The following ASB5 variants were observed in gnomAD, a reference collection of about 807,000 sequenced individuals.
ASB5 encodes ankyrin repeat and SOCS box containing 5.
ASB5 carries 45 observed loss-of-function variants against 42.1 expected under a neutral mutation model. The ratio of observed to expected loss-of-function variants is 1.07; its 90% CI spans 0.84 to 1.37. The LOEUF (loss-of-function observed/expected upper bound fraction) is 1.37, where lower values mean the gene tolerates loss of function less well. Ranked by LOEUF, ASB5 falls within the 40% of genes most tolerant of loss-of-function variation. ASB5 has a pLI of 0.00. For missense variants in ASB5, 402 were observed against 399.8 expected (o/e 1.01, Z -0.05); for synonymous variants, 147 against 150.6 (o/e 0.98, Z 0.18).
chr4:176,222,697 C>T (rs549684596), intron 2 of ASB5, among the ~76,000 whole-genome samples: 19 of 152,086 alleles, frequency 1.2e-4, no homozygotes, highest in Non-Finnish European at 2.2e-4. Flanking sequence ...ATGTTGCTTT[C>T]TTAATATTTT....
At chr4:176,266,397 G>A (rs946269535) in intron 1 of ASB5, among the ~76,000 whole-genome samples, 2 of 152,154 alleles carry the variant, frequency 1.3e-5, no homozygotes, top group Non-Finnish European at 2.9e-5. Flanking sequence ...TCTCTCCCAG[G>A]AAGGAGGAAA....
At chr4:176,227,093 T>C (rs181822606) in intron 1 of ASB5, among the ~76,000 whole-genome samples, 3 of 152,372 alleles carry the variant, frequency 2.0e-5, no homozygotes, top group Admixed American at 2.0e-4. Context: ...TGAGTGGTCA[T>C]GGCAGTCAGG....
At chr4:176,260,865 T>C (rs1437227126) in intron 1 of ASB5, among the ~76,000 whole-genome samples, 1 of 151,958 alleles carries the variant, frequency 6.6e-6, no homozygotes, top group African/African-American at 2.4e-5. Context: ...TTAGTAGAGA[T>C]GGGGTTTCAC....
chr4:176,216,400 G>T (rs1490584941), intron 6 of ASB5, among the ~76,000 whole-genome samples: 2 of 151,976 alleles, frequency 1.3e-5, no homozygotes. Context: ...TGCCAGGTTG[G>T]AGTGCAGTGG....
At chr4:176,217,664 C>T (rs946064469) in intron 5 of ASB5, among the ~76,000 whole-genome samples, 4 of 152,088 alleles carry the variant, frequency 2.6e-5, no homozygotes, top group East Asian at 1.9e-4. Context: ...ATACAGCCTA[C>T]ATGCTACATT....
At chr4:176,218,243 GAT>G (rs1296398279) in intron 5 of ASB5, among the ~76,000 whole-genome samples, 9 of 40,580 alleles carry the variant, frequency 2.2e-4, no homozygotes, top group African/African-American at 9.4e-4. Flanking sequence ...ATATTTGTAT[GAT>G]ATATAAATAT....
chr4:176,230,083 T>C (rs2126953788), intron 1 of ASB5, among the ~76,000 whole-genome samples: 1 of 152,286 alleles, frequency 6.6e-6, no homozygotes, highest in South Asian at 2.1e-4. Context: ...AGGTTTTGTT[T>C]CCTCATCAAA....
intron 1 of ASB5, among the ~76,000 whole-genome samples, chr4:176,238,106 C>G (rs769048536): frequency 1.3e-5 from 2 of 151,434 alleles, no homozygotes; most frequent in Non-Finnish European, 2.9e-5. Context: ...GCCTGTAGTC[C>G]CAGCTACTCA....
At chr4:176,267,352 C>T (rs141850766) in intron 1 of ASB5, among the ~76,000 whole-genome samples, 12 of 152,166 alleles carry the variant, frequency 7.9e-5, no homozygotes, top group Admixed American at 3.3e-4. Flanking sequence ...AGGCCTGGCA[C>T]GGAGGCTCAC....
rs1465484394 is a variant in ASB5 at position 176,213,697 on chromosome 4, C to T, written c.*1903G>A. 1 of 151,978 alleles carries T rather than the reference C, an allele frequency of 6.6e-6. No individual in the cohort carries two copies. The highest frequency in any genetic ancestry group is 2.4e-5 in the African/African-American group (1 of 41,398). 9.4% of individuals were successfully genotyped at this position (151,978 alleles called of 1,614,324 possible). A position where few individuals can be genotyped will look rare whatever the true frequency, so the allele number is the denominator to read the frequency against. On this transcript the variant is annotated 3_prime_UTR_variant, in exon 7 of 7. Coordinates refer to ENST00000296525, the MANE Select transcript of ASB5 (RefSeq NM_080874.4). The stretch of plus-strand genomic sequence containing the variant: ...GTTTTATTCCAATGAATAATAATCA[C>T]ACTTTAATATAATAACAAACATACA...
At chr4:176,261,526 A>G (rs1327173289) in intron 1 of ASB5, among the ~76,000 whole-genome samples, 1 of 152,178 alleles carries the variant, frequency 6.6e-6, no homozygotes, top group Admixed American at 6.5e-5. Flanking sequence ...TTTGCTCCAG[A>G]TGAGACAGCC....
At position 176,269,034 on chromosome 4, in the gene ASB5, G is replaced by C; in HGVS notation, c.75C>G (p.Phe25Leu). Residue 25 changes from phenylalanine (F) to leucine (L), a missense_variant, in exon 1 of 7, where the codon TTC (phenylalanine) becomes TTG (leucine). Phe to Leu is a conservative substitution (Grantham distance 22). Transcript: ENST00000296525. ...TGATTTTCACAAAAAGCTTAAAACA[G>C]AACAGCGAAAGTATTGTAAAGTAGA... The part of the protein sequence containing the change: ...SNVYFTILSL[F>L]CFKLFVKISL... The C allele has an allele frequency of 6.2e-7, 1 of 1,613,494 alleles. No individual in the cohort carries two copies. Among genetic ancestry groups the C allele is most frequent in the Non-Finnish European group, 8.5e-7 (1 of 1,179,662 alleles).
intron 1 of ASB5, among the ~76,000 whole-genome samples, chr4:176,248,951 G>A (rs971833928): frequency 6.6e-6 from 1 of 152,038 alleles, no homozygotes; most frequent in Non-Finnish European, 1.5e-5. Context: ...TTGTTATACA[G>A]GTTTACATTT....
Position 176,214,768 on chromosome 4 carries a change from A to G in ASB5, c.*832T>C, listed in dbSNP as rs572556168. 1 of 152,138 alleles carries G rather than the reference A, an allele frequency of 6.6e-6. No homozygotes were observed. Among genetic ancestry groups the G allele is most frequent in the African/African-American group, 2.4e-5 (1 of 41,510 alleles). 9.4% of individuals were successfully genotyped at this position (152,138 alleles called of 1,614,324 possible). ...TGTTTGTTAATTAGATATATAGTTC[A>G]TTTTCTTAAGTCCAAGTATCACTAG... On this transcript the variant is annotated 3_prime_UTR_variant, in exon 7 of 7. Transcript: ENST00000296525.
At chr4:176,239,007 GGTAAGAGA>G (rs2126961458) in intron 1 of ASB5, among the ~76,000 whole-genome samples, 1 of 152,262 alleles carries the variant, frequency 6.6e-6, no homozygotes, top group South Asian at 2.1e-4. Context: ...ACACACAAAA[GGTAAGAGA>G]GTGCGTGAGC....
intron 5 of ASB5, among the ~76,000 whole-genome samples, chr4:176,218,513 AT>A: frequency 8.7e-6 from 1 of 114,488 alleles, no homozygotes; most frequent in Non-Finnish European, 1.7e-5. Flanking sequence ...TGTATGATAT[AT>A]ATATTTGTAT....
At chr4:176,230,920 C>T (rs1228934132) in intron 1 of ASB5, among the ~76,000 whole-genome samples, 1 of 152,148 alleles carries the variant, frequency 6.6e-6, no homozygotes, top group Non-Finnish European at 1.5e-5. Context: ...ATAAATTATT[C>T]AGTGTGAAAT....
chr4:176,258,968 G>GT (rs758838956), intron 1 of ASB5, among the ~76,000 whole-genome samples: 14 of 151,762 alleles, frequency 9.2e-5, no homozygotes, highest in Admixed American at 5.3e-4. Context: ...TTCAGTAAAG[G>GT]TTTTTTTTCT....
Position 176,216,672 on chromosome 4 carries a change from C to T in ASB5, c.862+146G>A, listed in dbSNP as rs376155487. The T allele has an allele frequency of 1.5e-4, 112 of 737,766 alleles. 1 individual carries two copies. Among genetic ancestry groups the T allele is most frequent in the East Asian group, 1.3e-3 (45 of 35,044 alleles). The allele number at this position is 737,766 out of a possible 1,614,324, so 45.7% of individuals were successfully genotyped here. A position where few individuals can be genotyped will look rare whatever the true frequency, so the allele number is the denominator to read the frequency against. On this transcript the variant is annotated intron_variant, in intron 6 of 6. Coordinates refer to ENST00000296525, the MANE Select transcript of ASB5 (RefSeq NM_080874.4). ...CTGATATCTTCTTTATAGATAAAACCTAAGTTAAAAATCATCTACTTTCAC... is the reference window on the plus strand; with the variant it reads ...CTGATATCTTCTTTATAGATAAAACTTAAGTTAAAAATCATCTACTTTCAC...
Sources: allele counts gnomAD v4.1 joint callset (sites outside exome capture counted in the v4.1 genomes callset), GRCh38; gene constraint gnomAD v4.1.1; transcripts MANE v1.5; gene names NCBI Gene and HGNC (gene_info 2026-07-23, HGNC 2026-07-21).